SEPTIN9: variants seen among roughly 807,000 people sequenced by gnomAD.
The protein encoded by SEPTIN9 is septin 9, also known as septin-9.
Under a neutral mutation model 56.6 loss-of-function variants are expected in SEPTIN9, and 13 were observed. The observed-to-expected ratio is 0.23, with a 90% confidence interval of 0.15 to 0.37. SEPTIN9 has a LOEUF of 0.37. Among genes scored for constraint, SEPTIN9 ranks in the 10% least tolerant of loss-of-function variants. The probability of loss-of-function intolerance (pLI) is 1.00; values close to 1 mark genes in which losing one functional copy is unlikely to be tolerated. For synonymous variants in SEPTIN9, 332 were observed against 334.1 expected (o/e 0.99, Z 0.07); for missense variants, 650 against 823.1 (o/e 0.79, Z 2.57).
rs1407416881 is a variant in SEPTIN9 at position 77,318,537 on chromosome 17, C to T, written c.76+11340C>T. Among the ~76,000 whole-genome samples the T allele has an allele frequency of 3.3e-5, 5 of 152,174 alleles. No homozygotes were observed. Among genetic ancestry groups the T allele is most frequent in the Admixed American group, 6.5e-5 (1 of 15,286 alleles). On this transcript the variant is annotated intron_variant, in intron 2 of 11. Coordinates refer to ENST00000427177, the MANE Select transcript of SEPTIN9 (RefSeq NM_001113491.2). This position sits in a 1 kb window ranked among gnomAD's most constrained non-coding sequence, Gnocchi z 4.9. Reference sequence around the variant, plus strand: ...CCTTCTCTCGTGACTATGATCCCTCCCTTCCTCCCCAGCCTCCCACCTCGG... The same window carrying T: ...CCTTCTCTCGTGACTATGATCCCTCTCTTCCTCCCCAGCCTCCCACCTCGG...
chr17:77,497,605 G>A (rs1176967841), intron 11 of SEPTIN9: 1 of 590,048 alleles, frequency 1.7e-6, no homozygotes, highest in Admixed American at 2.8e-5. Context: ...GGATGGGAAG[G>A]CTGAGCTTTG....
At chr17:77,459,858 A>G (rs749590976) in intron 3 of SEPTIN9, among the ~76,000 whole-genome samples, 1 of 151,982 alleles carries the variant, frequency 6.6e-6, no homozygotes, top group Non-Finnish European at 1.5e-5. Flanking sequence ...TTGTATTTTT[A>G]CTAGAGATGG....
intron 3 of SEPTIN9, chr17:77,472,917 A>T (rs2143068121): frequency 6.6e-6 from 1 of 152,368 alleles, no homozygotes; most frequent in East Asian, 1.9e-4. Flanking sequence ...GGTCATTTAT[A>T]TTCAGTGTTT....
chr17:77,451,426 C>T lies in SEPTIN9; in HGVS notation c.722-30718C>T. The stretch of plus-strand genomic sequence containing the variant: ...TCTGGGAGGCTCCTTGTTCCGCGAC[C>T]ACAAAGCCCCTTTGATCCTCTGCTC... On this transcript the variant is annotated intron_variant, in intron 3 of 11. Transcript: ENST00000427177. This position sits in a 1 kb window ranked among gnomAD's most constrained non-coding sequence, Gnocchi z 4.2. 1 of 985,646 alleles carries T rather than the reference C, an allele frequency of 1.0e-6. No homozygotes were observed. The allele number at this position is 985,646 out of a possible 1,614,324, so 61.1% of individuals were successfully genotyped here.
In SEPTIN9 at chr17:77,330,102, A is replaced by T. The variant is rs1469926810; in HGVS notation, c.76+22905A>T. Among the ~76,000 whole-genome samples, 1 of 151,598 alleles carries T rather than the reference A, an allele frequency of 6.6e-6. No homozygotes were observed. The highest frequency in any genetic ancestry group is 1.5e-5 in the Non-Finnish European group (1 of 67,842). On this transcript the variant is annotated intron_variant, in intron 2 of 11. Transcript: ENST00000427177. This position sits in a 1 kb window ranked among gnomAD's most constrained non-coding sequence, Gnocchi z 4.4. ...ACACTCCAAGACTAGCCTCCCAGCCACTCTCCCTGCCTCCTGCCTCCTCTC... is the reference window on the plus strand; with the variant it reads ...ACACTCCAAGACTAGCCTCCCAGCCTCTCTCCCTGCCTCCTGCCTCCTCTC...
At chr17:77,356,350 C>G (rs2034238151) in intron 2 of SEPTIN9, among the ~76,000 whole-genome samples, 1 of 152,046 alleles carries the variant, frequency 6.6e-6, no homozygotes, top group Admixed American at 6.6e-5. Flanking sequence ...GCTGTGGAAC[C>G]TTGGTGGTTT....
intron 2 of SEPTIN9, among the ~76,000 whole-genome samples, chr17:77,398,048 A>G (rs1304797341): frequency 1.3e-5 from 2 of 149,684 alleles, no homozygotes; most frequent in Non-Finnish European, 3.0e-5. Flanking sequence ...ATCATGGCTC[A>G]CTGCAGCCTT....
At chr17:77,426,020 GC>G (rs2036895381) in intron 3 of SEPTIN9, among the ~76,000 whole-genome samples, 1 of 152,088 alleles carries the variant, frequency 6.6e-6, no homozygotes, top group Non-Finnish European at 1.5e-5. Context: ...GGTCAGGATG[GC>G]CAGAGGGTCC....
In SEPTIN9 at chr17:77,499,259, G is replaced by A. The variant is rs904228876; in HGVS notation, c.*601G>A. The A allele has an allele frequency of 1.2e-5, 7 of 596,858 alleles. No individual in the cohort carries two copies. The highest frequency in any genetic ancestry group is 1.9e-5 in the Admixed American group (1 of 53,812). The allele number at this position is 596,858 out of a possible 1,614,324, so 37.0% of individuals were successfully genotyped here. ...CTGCCCAGCCACTCCAAGCCCCCTG[G>A]CAGCTGCCCCTCCTGGAGCAGAAAG... On this transcript the variant is annotated 3_prime_UTR_variant, in exon 12 of 12. Transcript: ENST00000427177.
chr17:77,395,168 G>A (rs2035665033), intron 2 of SEPTIN9, among the ~76,000 whole-genome samples: 1 of 151,948 alleles, frequency 6.6e-6, no homozygotes, highest in African/African-American at 2.4e-5. Flanking sequence ...CTAGCCTCAG[G>A]TTCCCAAAGT....
intron 2 of SEPTIN9, among the ~76,000 whole-genome samples, chr17:77,388,230 G>A (rs531267818): frequency 2.3e-3 from 349 of 152,244 alleles, no homozygotes; most frequent in African/African-American, 7.8e-3. Flanking sequence ...GAGGGGCCCC[G>A]GCTGAGTCCG....
intron 2 of SEPTIN9, among the ~76,000 whole-genome samples, chr17:77,366,818 G>C (rs1418549526): frequency 6.6e-6 from 1 of 152,188 alleles, no homozygotes; most frequent in Non-Finnish European, 1.5e-5. Context: ...CGGATGAGGT[G>C]GGGGTGGGGA....
chr17:77,431,564 C>T (rs771153457), intron 3 of SEPTIN9, among the ~76,000 whole-genome samples: 2 of 152,098 alleles, frequency 1.3e-5, no homozygotes, highest in Admixed American at 6.5e-5. Context: ...CAGCCAGGCA[C>T]GGTGGTTCAC....
At chr17:77,361,115 G>T (rs2034403961) in intron 2 of SEPTIN9, among the ~76,000 whole-genome samples, 1 of 151,958 alleles carries the variant, frequency 6.6e-6, no homozygotes, top group Non-Finnish European at 1.5e-5. Flanking sequence ...GTAGAGATGG[G>T]GTTTCACCAC....
At position 77,405,256 on chromosome 17, in the gene SEPTIN9, C is replaced by T. The variant is rs537241487; in HGVS notation, c.721+2553C>T. On this transcript the variant is annotated intron_variant, in intron 3 of 11. Coordinates refer to ENST00000427177, the MANE Select transcript of SEPTIN9 (RefSeq NM_001113491.2). The surrounding 1 kb of genome is among the most constrained non-coding windows in gnomAD (Gnocchi z 5.8). Reference sequence around the variant, plus strand: ...GAGCCAGGCCCAGGGACACAACCTGCGGGCTCTGCTTTCTGGAGCTCACCG... The same window carrying T: ...GAGCCAGGCCCAGGGACACAACCTGTGGGCTCTGCTTTCTGGAGCTCACCG... 1,457 of 858,994 alleles carry T rather than the reference C, an allele frequency of 1.7e-3. 5 individuals are homozygous for T. Among genetic ancestry groups the T allele is most frequent in the Middle Eastern group, 1.9e-3 (7 of 3,610 alleles). The allele number at this position is 858,994 out of a possible 1,614,324, so 53.2% of individuals were successfully genotyped here. A position where few individuals can be genotyped will look rare whatever the true frequency, so the allele number is the denominator to read the frequency against.
chr17:77,417,093 C>G (rs2036532224), intron 3 of SEPTIN9, among the ~76,000 whole-genome samples: 2 of 152,208 alleles, frequency 1.3e-5, no homozygotes, highest in Non-Finnish European at 2.9e-5. Flanking sequence ...GGCTTTGGGC[C>G]AATCTGGCCT....
intron 3 of SEPTIN9, among the ~76,000 whole-genome samples, chr17:77,465,943 A>G (rs1000775858): frequency 6.6e-6 from 1 of 151,974 alleles, no homozygotes; most frequent in Non-Finnish European, 1.5e-5. Flanking sequence ...CTTCAAACCA[A>G]GGGAGACAAG....
intron 3 of SEPTIN9, among the ~76,000 whole-genome samples, chr17:77,478,396 G>A (rs966473008): frequency 6.6e-6 from 1 of 152,188 alleles, no homozygotes; most frequent in Non-Finnish European, 1.5e-5. Flanking sequence ...TCAAAAGAAT[G>A]CACAGCATCT....
intron 1 of SEPTIN9, among the ~76,000 whole-genome samples, chr17:77,285,660 A>G (rs1234160354): frequency 7.2e-5 from 11 of 152,232 alleles, no homozygotes; most frequent in African/African-American, 2.6e-4. Flanking sequence ...CAGCCTCCCA[A>G]AGTGCTGGGA....
Sources: gnomAD v4.1 joint callset for allele counts (sites outside exome capture counted in the v4.1 genomes callset) on GRCh38, gnomAD v4.1.1 for gene constraint, Gnocchi (gnomAD v3.1) non-coding constraint, MANE v1.5 for transcripts, NCBI Gene and HGNC (gene_info 2026-07-23, HGNC 2026-07-21) for gene names.